Variants in SGCD observed in about 807,000 individuals in gnomAD.
The protein encoded by SGCD is delta-sarcoglycan.
A neutral mutation model predicts 36.6 loss-of-function variants in SGCD; 18 were observed. The observed-to-expected ratio is 0.49, with a 90% CI of 0.34 to 0.73. SGCD has a LOEUF of 0.73. Ranked by LOEUF, SGCD falls within the 30% of genes least tolerant of loss-of-function variation. The pLI is 0.01. For synonymous variants in SGCD, 133 were observed against 130.6 expected (o/e 1.02, Z -0.12); for missense variants, 387 against 346.7 (o/e 1.12, Z -0.92).
Position 156,035,684 on chromosome 5 carries a change from A to G in SGCD, c.-281-82194A>G, listed in dbSNP as rs536614885. Among the ~76,000 whole-genome samples, 25 of 152,318 alleles carry G rather than the reference A, an allele frequency of 1.6e-4. No homozygotes were observed. In the South Asian group the frequency reaches 5.2e-3, roughly 32 times the overall value. On this transcript the variant is annotated intron_variant, in intron 1 of 9. Transcript: ENST00000517913. ...TATTTAGGTGGTTCTCTAATGGCAG[A>G]GGAGAAATGTAATTTGCCTTTCTAT...
intron 1 of SGCD, among the ~76,000 whole-genome samples, chr5:156,050,015 A>G (rs1378616298): frequency 6.8e-6 from 1 of 147,052 alleles, no homozygotes; most frequent in Non-Finnish European, 1.5e-5. Flanking sequence ...TGAAGATGCT[A>G]TGAACATTGT....
chr5:156,342,531 A>G (rs1471339062), intron 2 of SGCD, among the ~76,000 whole-genome samples: 1 of 152,192 alleles, frequency 6.6e-6, no homozygotes, highest in Non-Finnish European at 1.5e-5. Context: ...TAAAAACCTA[A>G]TTTATTTCAG....
chr5:156,016,412 G>T (rs1247084402), intron 1 of SGCD, among the ~76,000 whole-genome samples: 1 of 152,000 alleles, frequency 6.6e-6, no homozygotes, highest in African/African-American at 2.4e-5. Flanking sequence ...TAATTTAATT[G>T]TTTTGGCATA....
intron 4 of SGCD, among the ~76,000 whole-genome samples, chr5:156,534,030 A>G (rs1369585389): frequency 6.6e-6 from 1 of 152,200 alleles, no homozygotes; most frequent in African/African-American, 2.4e-5. Context: ...ATGTCAATCA[A>G]TGTAACACTA....
intron 3 of SGCD, among the ~76,000 whole-genome samples, chr5:156,455,226 C>T (rs781080836): frequency 1.3e-5 from 2 of 152,154 alleles, no homozygotes; most frequent in Non-Finnish European, 2.9e-5. Context: ...AGCTGCCCTG[C>T]CCACACCATG....
At chr5:155,748,298 C>G in the SGCD span, among the ~76,000 whole-genome samples, 43 of 152,014 alleles carry the variant, frequency 2.8e-4, no homozygotes, top group African/African-American at 1.0e-3. Flanking sequence ...GACTCTCTCT[C>G]TTTCCTTAAA....
intron 3 of SGCD, among the ~76,000 whole-genome samples, chr5:156,282,363 G>T (rs1766475966): frequency 6.6e-6 from 1 of 152,146 alleles, no homozygotes; most frequent in Non-Finnish European, 1.5e-5. Context: ...TAGGGGGAAA[G>T]GGTTGTTTAT....
chr5:156,262,240 A>G (rs1312808538), intron 3 of SGCD, among the ~76,000 whole-genome samples: 1 of 152,102 alleles, frequency 6.6e-6, no homozygotes, highest in Non-Finnish European at 1.5e-5. Context: ...GTACAGCTAT[A>G]CCATTTTAAA....
At chr5:155,928,895 T>C (rs2113387410) in intron 1 of SGCD, among the ~76,000 whole-genome samples, 1 of 152,230 alleles carries the variant, frequency 6.6e-6, no homozygotes, top group South Asian at 2.1e-4. Flanking sequence ...GAATTCCCTT[T>C]ATATTCTGAA....
At chr5:156,240,847 A>G (rs980518826) in intron 3 of SGCD, among the ~76,000 whole-genome samples, 2 of 152,246 alleles carry the variant, frequency 1.3e-5, no homozygotes, top group African/African-American at 4.8e-5. Flanking sequence ...AAGCCGACAG[A>G]TAAGAAAACA....
At chr5:155,861,604 G>A in the SGCD span, among the ~76,000 whole-genome samples, 1 of 152,322 alleles carries the variant, frequency 6.6e-6, no homozygotes, top group Admixed American at 6.5e-5. Context: ...TGTAGTCCCA[G>A]CTACTCAGGA....
chr5:155,796,382 T>C, the SGCD span, among the ~76,000 whole-genome samples: 1 of 152,102 alleles, frequency 6.6e-6, no homozygotes. Flanking sequence ...ACATTGGTAA[T>C]GTAAAATCTT....
intron 3 of SGCD, among the ~76,000 whole-genome samples, chr5:156,200,531 C>T (rs1764121441): frequency 6.6e-6 from 1 of 152,102 alleles, no homozygotes; most frequent in Non-Finnish European, 1.5e-5. Flanking sequence ...TGAAGACCTA[C>T]ATTAAAAATG....
rs564225426 is a variant in SGCD, at chr5:156,408,283, C to G, written c.192+63606C>G. Among the ~76,000 whole-genome samples the G allele has an allele frequency of 2.4e-4, 37 of 152,006 alleles. No homozygotes were observed. The South Asian group carries it at 7.1e-3, about 29-fold the overall frequency. ...ATTGCACTCCTTGGACATGTGCGTA[C>G]AGGATGTGTAGTAGATACAACCCTG... On this transcript the variant is annotated intron_variant, in intron 3 of 8. Transcript: ENST00000337851.
chr5:156,242,983 G>T (rs562531642), intron 3 of SGCD, among the ~76,000 whole-genome samples: 1 of 152,224 alleles, frequency 6.6e-6, no homozygotes, highest in Non-Finnish European at 1.5e-5. Context: ...TGGTCATGCA[G>T]GTTGCCTTTG....
At chr5:156,034,792 T>G (rs1020402713) in intron 1 of SGCD, among the ~76,000 whole-genome samples, 1 of 152,228 alleles carries the variant, frequency 6.6e-6, no homozygotes, top group African/African-American at 2.4e-5. Flanking sequence ...GGAACTATGT[T>G]TGTCTTGCTG....
At chr5:156,206,280 G>T (rs1764276090) in intron 3 of SGCD, among the ~76,000 whole-genome samples, 1 of 151,574 alleles carries the variant, frequency 6.6e-6, no homozygotes, top group Non-Finnish European at 1.5e-5. Context: ...TTGGCATTCG[G>T]GGTTTTCCCA....
intron 7 of SGCD, among the ~76,000 whole-genome samples, chr5:156,651,432 G>T (rs1482011061): frequency 6.6e-6 from 1 of 151,944 alleles, no homozygotes; most frequent in African/African-American, 2.4e-5. Context: ...TATAGTTTGA[G>T]GTCTTCTATT....
chr5:156,606,623 T>C (rs538526490), intron 6 of SGCD, among the ~76,000 whole-genome samples: 54 of 152,238 alleles, frequency 3.5e-4, no homozygotes, highest in Non-Finnish European at 6.6e-4. Flanking sequence ...ACTGAATCTA[T>C]AAATTCCCTT....
Sources: gnomAD v4.1 joint callset for allele counts (sites outside exome capture counted in the v4.1 genomes callset) on GRCh38, gnomAD v4.1.1 for gene constraint, MANE v1.5 for transcripts, NCBI Gene and HGNC (gene_info 2026-07-23, HGNC 2026-07-21) for gene names.